Variants in NRCAM observed in about 807,000 individuals in gnomAD.
The protein encoded by NRCAM is neuronal cell adhesion molecule, also known as NgCAM-related cell adhesion molecule.
NRCAM carries 83 observed loss-of-function variants against 156.5 expected under a neutral mutation model. The ratio of observed to expected loss-of-function variants is 0.53; its 90% CI spans 0.44 to 0.64. The LOEUF (loss-of-function observed/expected upper bound fraction) is 0.64, where lower values mean the gene tolerates loss of function less well. Ranked by LOEUF, NRCAM falls within the 30% of genes least tolerant of loss-of-function variation. NRCAM has a pLI of 0.00. For synonymous variants in NRCAM, 538 were observed against 563.9 expected, an observed-to-expected ratio of 0.95 and a Z score of 0.65; for missense variants, 1,417 against 1,597.3, an observed-to-expected ratio of 0.89 and a Z score of 1.92.
chr7:108,260,917 G>A (rs1472841474), intron 3 of NRCAM, among the ~76,000 whole-genome samples: 1 of 152,066 alleles, frequency 6.6e-6, no homozygotes, highest in African/African-American at 2.4e-5. Context: ...TTCAATTCCT[G>A]GCAAGGTTCT....
Position 108,442,095 on chromosome 7 carries a change from G to A in NRCAM, c.-332+14148C>T, listed in dbSNP as rs572164545. Among the ~76,000 whole-genome samples, 8 of 152,184 alleles carry A rather than the reference G, an allele frequency of 5.3e-5. 1 individual carries two copies. Among genetic ancestry groups the A allele is most frequent in the African/African-American group, 1.4e-4 (6 of 41,518 alleles). On this transcript the variant is annotated intron_variant, in intron 1 of 32. Transcript: ENST00000379028. ...GAGACAACTTTACATATAATACCTC[G>A]GGAGCAGGCTGCCCATACAGTAATA...
chr7:108,362,081 C>T (rs1157834803), intron 2 of NRCAM, among the ~76,000 whole-genome samples: 4 of 152,128 alleles, frequency 2.6e-5, no homozygotes, highest in Non-Finnish European at 5.9e-5. Context: ...ATGTCTTAGT[C>T]CGTCCAATCT....
intron 2 of NRCAM, among the ~76,000 whole-genome samples, chr7:108,328,225 C>T (rs895924815): frequency 5.9e-5 from 9 of 152,098 alleles, no homozygotes; most frequent in Admixed American, 1.3e-4. Context: ...CAATAGCACA[C>T]AAAATAAAAC....
chr7:108,264,977 G>A (rs899066065), intron 3 of NRCAM, among the ~76,000 whole-genome samples: 7 of 152,206 alleles, frequency 4.6e-5, no homozygotes, highest in African/African-American at 1.4e-4. Context: ...ATTTGTGTAA[G>A]AGGAGCCGAG....
At position 108,174,553 on chromosome 7, in the gene NRCAM, G is replaced by C. The variant is rs140287190; in HGVS notation, c.3187+769C>G. On this transcript the variant is annotated intron_variant, in intron 28 of 32. Transcript: ENST00000379028. ...ACCAGCAGCCAGGGGTCAAAGACTGGGGCATCTTTGGCATTGCCACTAATG... is the reference window on the plus strand; with the variant it reads ...ACCAGCAGCCAGGGGTCAAAGACTGCGGCATCTTTGGCATTGCCACTAATG... Among the ~76,000 whole-genome samples, 900 of 152,296 alleles carry C rather than the reference G, an allele frequency of 5.9e-3. 7 individuals are homozygous for C. Among genetic ancestry groups the C allele is most frequent in the African/African-American group, 0.02 (848 of 41,572 alleles).
In NRCAM at chr7:108,393,834, C is replaced by T. The variant is rs1209253398; in HGVS notation, c.-174+5602G>A. ...ACAGTACTATGAAGATAGGTAATCC[C>T]ATCCTCATACACACACGTGCTACAT... On this transcript the variant is annotated intron_variant, in intron 2 of 32. Coordinates refer to ENST00000379028, the MANE Select transcript of NRCAM (RefSeq NM_001037132.4). 2.6e-5 allele frequency among the ~76,000 whole-genome samples: 4 copies of T among 152,152 alleles called. No individual in the cohort carries two copies. The East Asian group carries it at 7.7e-4, about 29-fold the overall frequency.
rs530592904 is a variant in NRCAM at position 108,224,151 on chromosome 7, G to T, written c.779-315C>A. Among the ~76,000 whole-genome samples the T allele has an allele frequency of 2.6e-4, 40 of 152,176 alleles. 1 individual carries two copies. In the South Asian group the frequency reaches 4.8e-3, roughly 18 times the overall value. ...TGGGTTAGAAAATTTTCAATATGTT[G>T]ACATGGAGAGGAAAATCATGTTATC... is the stretch of plus-strand genomic sequence containing the variant. On this transcript the variant is annotated intron_variant, in intron 10 of 32. Coordinates refer to ENST00000379028, the MANE Select transcript of NRCAM (RefSeq NM_001037132.4).
chr7:108,207,228 A>T, intron 13 of NRCAM: 1 of 225,688 alleles, frequency 4.4e-6, no homozygotes, highest in Non-Finnish European at 8.7e-6. Context: ...AAGATCATCT[A>T]AACTTTGAAG....
chr7:108,417,149 G>A (rs1802594795), intron 1 of NRCAM, among the ~76,000 whole-genome samples: 1 of 152,118 alleles, frequency 6.6e-6, no homozygotes, highest in Admixed American at 6.5e-5. Flanking sequence ...AATAATACTG[G>A]TGCTTCTAAG....
chr7:108,166,854 C>T, intron 30 of NRCAM, 67 bp downstream of exon 30: 2 of 1,484,556 alleles, frequency 1.3e-6, no homozygotes, highest in South Asian at 2.4e-5. Context: ...GCCCCCATCT[C>T]CAGCTGGAGC....
At chr7:108,334,333 A>G (rs2099157247) in intron 2 of NRCAM, among the ~76,000 whole-genome samples, 1 of 152,236 alleles carries the variant, frequency 6.6e-6, no homozygotes, top group South Asian at 2.1e-4. Context: ...AACACCAATT[A>G]GCATCTATTA....
chr7:108,443,887 GATAGATACATAC>G (rs1295346993), intron 1 of NRCAM, among the ~76,000 whole-genome samples: 1 of 150,688 alleles, frequency 6.6e-6, no homozygotes, highest in South Asian at 2.1e-4. Flanking sequence ...GATATAGATA[GATAGATACATAC>G]ATACATACAT....
chr7:108,151,967 C>G (rs2041913808), intron 32 of NRCAM, among the ~76,000 whole-genome samples: 1 of 152,142 alleles, frequency 6.6e-6, no homozygotes, highest in Non-Finnish European at 1.5e-5. Context: ...TCTATCCACC[C>G]ATGCCTTCAT....
At chr7:108,333,756 CAAGTT>C (rs1204583119) in intron 2 of NRCAM, among the ~76,000 whole-genome samples, 1 of 152,158 alleles carries the variant, frequency 6.6e-6, no homozygotes, top group African/African-American at 2.4e-5. Flanking sequence ...TTCAACAACC[CAAGTT>C]AAGAGTTCCT....
chr7:108,243,694 T>C (rs543205949), intron 3 of NRCAM, among the ~76,000 whole-genome samples: 1 of 152,322 alleles, frequency 6.6e-6, no homozygotes, highest in Admixed American at 6.5e-5. Context: ...TAGATTCGTC[T>C]TCTGAAAAAT....
At chr7:108,396,362 T>C (rs2099776903) in intron 2 of NRCAM, among the ~76,000 whole-genome samples, 1 of 152,206 alleles carries the variant, frequency 6.6e-6, no homozygotes, top group African/African-American at 2.4e-5. Flanking sequence ...TCTGTGGACT[T>C]CAGAGAACAA....
chr7:108,350,680 G>A (rs1376710700), intron 2 of NRCAM, among the ~76,000 whole-genome samples: 1 of 144,460 alleles, frequency 6.9e-6, no homozygotes, highest in Admixed American at 7.1e-5. Flanking sequence ...AAAATTACTT[G>A]CACTCAAATG....
At chr7:108,207,765 A>G in intron 12 of NRCAM, 106 bp from the exon 13 acceptor site, 1 of 826,934 alleles carries the variant, frequency 1.2e-6, no homozygotes, top group South Asian at 2.3e-5. Flanking sequence ...TTCACACTAA[A>G]TTAGTCTCAT....
intron 3 of NRCAM, among the ~76,000 whole-genome samples, chr7:108,262,071 A>C (rs1343274401): frequency 1.3e-5 from 2 of 152,052 alleles, no homozygotes; most frequent in Non-Finnish European, 2.9e-5. Context: ...GCTCCTGAGG[A>C]TCACATTTCC....
Sources: gnomAD v4.1 joint callset for allele counts (sites outside exome capture counted in the v4.1 genomes callset) on GRCh38, gnomAD v4.1.1 for gene constraint, MANE v1.5 for transcripts, NCBI Gene and HGNC (gene_info 2026-07-23, HGNC 2026-07-21) for gene names.